The following COL4A4 variants were observed in gnomAD, a reference collection of about 807,000 sequenced individuals.
COL4A4 encodes the protein collagen alpha-4(IV) chain.
In COL4A4, 105 loss-of-function variants were observed where a neutral mutation model predicts 192.9. The ratio of observed to expected loss-of-function variants is 0.54; its 90% confidence interval spans 0.46 to 0.64. COL4A4 has a LOEUF of 0.64. COL4A4 is among the 30% of genes least tolerant of loss of function. The pLI is 0.00. For synonymous variants in COL4A4, 762 were observed against 769.9 expected (o/e 0.99, Z 0.17); for missense variants, 1,967 against 2,169.3 (o/e 0.91, Z 1.85).
intron 8 of COL4A4, among the ~76,000 whole-genome samples, chr2:227,112,744 C>G (rs1393908916): frequency 6.6e-6 from 1 of 152,198 alleles, no homozygotes; most frequent in Non-Finnish European, 1.5e-5. Flanking sequence ...TTCCCTGCAG[C>G]CACTGGCAAC....
In COL4A4 at chr2:227,004,279, A is replaced by G. The variant is rs1391342338; in HGVS notation, c.*3046T>C. 6.6e-6 allele frequency: 1 copy of G among 152,346 alleles called. No individual in the cohort carries two copies. The highest frequency in any genetic ancestry group is 1.5e-5 in the Non-Finnish European group (1 of 68,134). 9.4% of individuals were successfully genotyped at this position (152,346 alleles called of 1,614,324 possible). Reference sequence around the variant, plus strand: ...AGGGAGCCTAAGTTTCCCCCAGGGAATTCACCTCCCACGCAGGGTAAACTG... The same window carrying G: ...AGGGAGCCTAAGTTTCCCCCAGGGAGTTCACCTCCCACGCAGGGTAAACTG... On this transcript the variant is annotated 3_prime_UTR_variant, in exon 48 of 48. Transcript: ENST00000396625.
At chr2:226,970,526 C>T in the COL4A4 span, among the ~76,000 whole-genome samples, 2 of 152,126 alleles carry the variant, frequency 1.3e-5, no homozygotes, top group African/African-American at 2.4e-5. Flanking sequence ...CCAGAGGGCA[C>T]GGAAGCAGCC....
Position 227,006,053 on chromosome 2 carries a change from T to C in COL4A4, c.*1272A>G, listed in dbSNP as rs1350770986. The C allele has an allele frequency of 6.6e-6, 1 of 152,644 alleles. No individual in the cohort carries two copies. The highest frequency in any genetic ancestry group is 2.4e-5 in the African/African-American group (1 of 41,464). The allele number at this position is 152,644 out of a possible 1,614,324, so 9.5% of individuals were successfully genotyped here. A position where few individuals can be genotyped will look rare whatever the true frequency, so the allele number is the denominator to read the frequency against. On this transcript the variant is annotated 3_prime_UTR_variant, in exon 48 of 48. Transcript: ENST00000396625. ...AAGACTGATATGAAATATAAGAATG[T>C]CTTTAAAATTGGCAAAATGGGATGC...
intron 42 of COL4A4, among the ~76,000 whole-genome samples, chr2:227,026,330 T>G (rs1024331694): frequency 7.2e-5 from 11 of 152,016 alleles, no homozygotes; most frequent in African/African-American, 2.2e-4. Flanking sequence ...ACCCCGTCTC[T>G]ACTAAAAATA....
intron 12 of COL4A4, among the ~76,000 whole-genome samples, chr2:227,106,114 TTGTC>T (rs2060826157): frequency 8.2e-6 from 1 of 122,496 alleles, no homozygotes; most frequent in African/African-American, 2.8e-5. Flanking sequence ...ATTAGAAACA[TTGTC>T]TGTTTTGTTT....
intron 12 of COL4A4, among the ~76,000 whole-genome samples, chr2:227,105,027 T>G (rs2060755575): frequency 6.6e-6 from 1 of 151,992 alleles, no homozygotes. Flanking sequence ...ATAAACAATT[T>G]GTTTTATGTT....
rs1974939807 is a variant in COL4A4 at position 227,054,815 on chromosome 2, A to G, written c.2717-78T>C. On this transcript the variant is annotated intron_variant, in intron 30 of 47. Transcript: ENST00000396625. Reference sequence around the variant, plus strand: ...TTTTTCAGGGGTGGGAGGTGGACAGAGTCTCACTCTGTCACCCAGGCTGAA... The same window carrying G: ...TTTTTCAGGGGTGGGAGGTGGACAGGGTCTCACTCTGTCACCCAGGCTGAA... 6 of 1,469,026 alleles carry G rather than the reference A, an allele frequency of 4.1e-6. No homozygotes were observed. In the South Asian group the frequency reaches 7.3e-5, roughly 18 times the overall value. The allele number at this position is 1,469,026 out of a possible 1,614,324, so 91.0% of individuals were successfully genotyped here.
chr2:227,060,581 C>CGG (rs1976699302), intron 26 of COL4A4, among the ~76,000 whole-genome samples: 2 of 152,146 alleles, frequency 1.3e-5, no homozygotes, highest in Admixed American at 1.3e-4. Flanking sequence ...ATTGTCTGCC[C>CGG]TTGTAGGGGT....
At chr2:226,997,682 C>T in the COL4A4 span, 1 of 152,132 alleles carries the variant, frequency 6.6e-6, no homozygotes, top group Non-Finnish European at 1.5e-5. Context: ...CTCTGTTTGA[C>T]TTGTCAGATA....
chr2:227,050,166 A>G, intron 33 of COL4A4, 35 bp from the exon 34 acceptor site: 1 of 1,583,582 alleles, frequency 6.3e-7, no homozygotes, highest in Non-Finnish European at 8.7e-7. Context: ...CCTTAATCAG[A>G]TTTCAAATAC....
chr2:227,118,691 G>A lies in COL4A4; in HGVS notation c.443C>T (p.Pro148Leu), dbSNP rs1033767488. ...MSGHNGSRGD[P>L]GFPGGRGALG... ...AGCTCCTCTTCCTCCTGGAAACCCT[G>A]GGTCACCTCTTGAGCCATTGTGGCC... Residue 148 changes from proline (P) to leucine (L), a missense_variant, in exon 7 of 48, where the codon CCA becomes CTA. Transcript: ENST00000396625. 1 of 1,614,060 alleles carries A rather than the reference G, an allele frequency of 6.2e-7. No individual in the cohort carries two copies. Among genetic ancestry groups the A allele is most frequent in the Non-Finnish European group, 8.5e-7 (1 of 1,180,014 alleles).
At position 227,102,824 on chromosome 2, in the gene COL4A4, C is replaced by G; in HGVS notation, c.895G>C (p.Gly299Arg). Residue 299 changes from glycine to arginine, a missense_variant, in exon 15 of 48, where the codon GGA (glycine) becomes CGA (arginine). Gly to Arg is a moderately radical substitution (Grantham distance 125). Transcript: ENST00000396625. The part of the protein sequence containing the change: ...RKGESGIGAK[G>R]EKGIPGFPGP... Reference sequence around the variant, plus strand: ...GGAAATCCAGGAATACCTTTTTCTCCTTTTGCCCCAATACCAGATTCTCCC... The same window carrying G: ...GGAAATCCAGGAATACCTTTTTCTCGTTTTGCCCCAATACCAGATTCTCCC... 6.2e-7 allele frequency: 1 copy of G among 1,613,408 alleles called. No homozygotes were observed. The highest frequency in any genetic ancestry group is 8.5e-7 in the Non-Finnish European group (1 of 1,179,682).
chr2:227,099,141 A>G (rs1182637374), intron 18 of COL4A4, among the ~76,000 whole-genome samples: 1 of 152,140 alleles, frequency 6.6e-6, no homozygotes, highest in Non-Finnish European at 1.5e-5. Flanking sequence ...ATCTCAGCTC[A>G]CTGCAACCTC....
At chr2:227,041,848 G>GAAAGAAAGAAAGAGAGAGAGAGAGAA (rs1243663359) in intron 37 of COL4A4, among the ~76,000 whole-genome samples, 1 of 38,692 alleles carries the variant, frequency 2.6e-5, no homozygotes, top group Non-Finnish European at 4.7e-5. Context: ...AAGAAAGAAA[G>GAAAGAAAGAAAGAGAGAGAGAGAGAA]AGAAAGAAAG....
intron 32 of COL4A4, 143 bp from the exon 33 acceptor site, chr2:227,051,301 A>G (rs1974049133): frequency 8.3e-6 from 7 of 845,808 alleles, no homozygotes; most frequent in Admixed American, 7.6e-5. Context: ...CTTCCTGATC[A>G]TTTCTGGCTT....
chr2:226,987,322 T>C, the COL4A4 span, among the ~76,000 whole-genome samples: 1 of 151,672 alleles, frequency 6.6e-6, no homozygotes, highest in Non-Finnish European at 1.5e-5. Context: ...TGCACACGTA[T>C]CCCAGAACTT....
At chr2:227,146,929 C>T (rs2125380996) in intron 2 of COL4A4, among the ~76,000 whole-genome samples, 1 of 152,326 alleles carries the variant, frequency 6.6e-6, no homozygotes, top group Non-Finnish European at 1.5e-5. Context: ...ACTCCTCTAT[C>T]TCAATGTCAG....
chr2:227,036,968 C>T (rs1441530518), intron 37 of COL4A4, among the ~76,000 whole-genome samples: 2 of 152,094 alleles, frequency 1.3e-5, no homozygotes, highest in African/African-American at 4.8e-5. Flanking sequence ...TCTTGTCATG[C>T]TACAGGTAAT....
chr2:227,081,406 C>T (rs761504115), intron 23 of COL4A4, among the ~76,000 whole-genome samples: 6 of 152,196 alleles, frequency 3.9e-5, no homozygotes, highest in Non-Finnish European at 7.3e-5. Context: ...CCAGGTTCTT[C>T]GGCCTTTGGA....
Sources: gnomAD v4.1 joint callset for allele counts (sites outside exome capture counted in the v4.1 genomes callset) on GRCh38, gnomAD v4.1.1 for gene constraint, MANE v1.5 for transcripts, NCBI Gene and HGNC (gene_info 2026-07-23, HGNC 2026-07-21) for gene names.